The following TUT4 variants were observed in gnomAD, a reference collection of about 807,000 sequenced individuals.
TUT4 encodes terminal uridylyl transferase 4.
TUT4 carries 36 observed loss-of-function variants against 192.2 expected under a neutral mutation model. The ratio of observed to expected loss-of-function variants is 0.19; its 90% CI spans 0.14 to 0.25. The LOEUF (loss-of-function observed/expected upper bound fraction) is 0.25, where lower values mean the gene tolerates loss of function less well. TUT4 is among the 10% of genes least tolerant of loss of function. The pLI, the probability that TUT4 is intolerant of heterozygous loss-of-function variation, is 1.00. For missense variants in TUT4, 1,493 were observed against 1,957.2 expected, an observed-to-expected ratio of 0.76 and a Z score of 4.47; for synonymous variants, 618 against 666.0, an observed-to-expected ratio of 0.93 and a Z score of 1.11.
chr1:52,529,652 T>C (rs1445467766), intron 1 of TUT4: 2 of 152,182 alleles, frequency 1.3e-5, no homozygotes, highest in Admixed American at 1.3e-4. Flanking sequence ...ATTCACAATT[T>C]TGCTTGTAAA....
chr1:52,520,472 G>T (rs191228169), intron 2 of TUT4, among the ~76,000 whole-genome samples: 2 of 152,288 alleles, frequency 1.3e-5, no homozygotes, highest in Admixed American at 6.5e-5. Context: ...GAGCTTATTA[G>T]AAATCCAATT....
At chr1:52,463,603 AC>A in intron 16 of TUT4, 1 of 1,285,700 alleles carries the variant, frequency 7.8e-7, no homozygotes, top group East Asian at 5.6e-5. Flanking sequence ...AATCTTGCAA[AC>A]AGTCCCGCAT....
At chr1:52,465,414 T>C (rs1011180751) in intron 15 of TUT4, among the ~76,000 whole-genome samples, 4 of 152,214 alleles carry the variant, frequency 2.6e-5, no homozygotes, top group Admixed American at 6.5e-5. Context: ...ATTCAACACG[T>C]CTGAACTATC....
At chr1:52,446,054 A>T in intron 22 of TUT4, 50 bp from the exon 23 acceptor site, 1 of 1,542,742 alleles carries the variant, frequency 6.5e-7, no homozygotes, top group Non-Finnish European at 8.8e-7. Flanking sequence ...CTGTACCATA[A>T]AAATATACTT....
intron 1 of TUT4, among the ~76,000 whole-genome samples, chr1:52,534,023 T>C (rs558599102): frequency 6.6e-6 from 1 of 152,348 alleles, no homozygotes; most frequent in South Asian, 2.1e-4. Context: ...CCACTTTCGA[T>C]ATTTCATTCT....
chr1:52,496,088 A>G (rs527375253), intron 5 of TUT4, among the ~76,000 whole-genome samples: 31 of 152,186 alleles, frequency 2.0e-4, no homozygotes, highest in Non-Finnish European at 3.7e-4. Context: ...AAAAATCATA[A>G]TAAGGCAAAT....
intron 12 of TUT4, among the ~76,000 whole-genome samples, chr1:52,475,955 C>G (rs1666981028): frequency 6.6e-6 from 1 of 152,048 alleles, no homozygotes; most frequent in South Asian, 2.1e-4. Context: ...AGCGATTCTC[C>G]TGACTCAGCC....
chr1:52,530,132 T>C (rs940996689), intron 1 of TUT4, among the ~76,000 whole-genome samples: 2 of 152,080 alleles, frequency 1.3e-5, no homozygotes, highest in African/African-American at 4.8e-5. Context: ...CATGAGTCAC[T>C]GCGTCAGCTA....
chr1:52,496,555 T>C (rs150839140), intron 5 of TUT4, among the ~76,000 whole-genome samples: 7 of 152,242 alleles, frequency 4.6e-5, no homozygotes, highest in East Asian at 1.9e-4. Context: ...ATAGTCCATA[T>C]ATAAATATCT....
At chr1:52,545,059 A>G (rs868494920) in intron 1 of TUT4, among the ~76,000 whole-genome samples, 4 of 145,360 alleles carry the variant, frequency 2.8e-5, no homozygotes, top group South Asian at 2.2e-4. Flanking sequence ...CTTGTCCCCA[A>G]AAAAAAAAAA....
At chr1:52,542,600 T>C (rs148868079) in intron 1 of TUT4, among the ~76,000 whole-genome samples, 290 of 152,070 alleles carry the variant, frequency 1.9e-3, no homozygotes, top group Non-Finnish European at 3.0e-3. Context: ...ATAAAAACAC[T>C]CAACAATCTA....
intron 3 of TUT4, among the ~76,000 whole-genome samples, chr1:52,511,225 G>A (rs1469916787): frequency 6.6e-6 from 1 of 152,110 alleles, no homozygotes; most frequent in South Asian, 2.1e-4. Context: ...ATTTGCCCAA[G>A]GCAACAAGTA....
At chr1:52,443,707 G>A (rs575340877) in intron 24 of TUT4, among the ~76,000 whole-genome samples, 3 of 152,128 alleles carry the variant, frequency 2.0e-5, no homozygotes, top group African/African-American at 4.8e-5. Flanking sequence ...AGGCTGCAGT[G>A]AGCTATGATT....
Position 52,481,484 on chromosome 1 carries a change from T to C in TUT4, c.1787A>G (p.Asp596Gly), listed in dbSNP as rs775920612. The change falls in exon 11 of 30, where the codon GAT becomes GGT. Residue 596 changes from aspartate (D) to glycine (G), a missense_variant. By Grantham distance (94) the Asp-to-Gly change is moderately conservative (BLOSUM62 -1). Around this residue, in one of 7 missense-constraint regions of TUT4, gnomAD observed 437 missense variants for 577.6 expected, o/e 0.76. Transcript: ENST00000257177. ...GTCTGTTTCTGTCTTCTTGGTATCA[T>C]CTTTTGGTTGGTCTGCCTTAGCTTT... ...ENKAKADQPK[D>G]DTKKTETDNQ... The C allele has an allele frequency of 6.2e-7, 1 of 1,614,046 alleles. No homozygotes were observed. Among genetic ancestry groups the C allele is most frequent in the Non-Finnish European group, 8.5e-7 (1 of 1,179,968 alleles).
intron 1 of TUT4, among the ~76,000 whole-genome samples, chr1:52,530,113 G>A (rs192427830): frequency 6.6e-6 from 1 of 152,132 alleles, no homozygotes; most frequent in African/African-American, 2.4e-5. Context: ...AAACTGCTAG[G>A]ACTACAGGCA....
chr1:52,425,965 A>G (rs1649777035), intron 28 of TUT4, among the ~76,000 whole-genome samples: 1 of 152,210 alleles, frequency 6.6e-6, no homozygotes, highest in Non-Finnish European at 1.5e-5. Flanking sequence ...AATCTGCAAC[A>G]TAGAGACAGG....
chr1:52,438,154 A>T, intron 25 of TUT4, 66 bp downstream of exon 25: 1 of 1,243,296 alleles, frequency 8.0e-7, no homozygotes, highest in Non-Finnish European at 1.2e-6. Context: ...TCTGAACATA[A>T]TTATAGCTAC....
At chr1:52,503,360 C>T (rs542172920) in intron 4 of TUT4, among the ~76,000 whole-genome samples, 3 of 152,146 alleles carry the variant, frequency 2.0e-5, no homozygotes, top group African/African-American at 4.8e-5. Flanking sequence ...GTGATAAGAA[C>T]TTTACTCTGC....
rs746526279 is a variant in TUT4, at chr1:52,493,602, G to C, written c.1318+9C>G. 1.4e-6 allele frequency: 2 copies of C among 1,423,010 alleles called. No individual in the cohort carries two copies. The highest frequency in any genetic ancestry group is 1.9e-6 in the Non-Finnish European group (2 of 1,046,784). The allele number at this position is 1,423,010 out of a possible 1,614,324, so 88.1% of individuals were successfully genotyped here. A position where few individuals can be genotyped will look rare whatever the true frequency, so the allele number is the denominator to read the frequency against. ...AAAAAAAAAGAAAAGAAAAAGAAAA[G>C]AAACTCACCATTTTTCTTTAAAATC... On this transcript the variant is annotated intron_variant, in intron 7 of 29. Coordinates refer to ENST00000257177, the MANE Select transcript of TUT4 (RefSeq NM_001009881.3).
Sources: allele counts gnomAD v4.1 joint callset (sites outside exome capture counted in the v4.1 genomes callset), GRCh38; gene constraint gnomAD v4.1.1; regional missense constraint gnomAD v4.1.1; transcripts MANE v1.5; gene names NCBI Gene and HGNC (gene_info 2026-07-23, HGNC 2026-07-21).